The following RPL28 variants were observed in gnomAD, a reference collection of about 807,000 sequenced individuals.
RPL28 encodes the protein large ribosomal subunit protein eL28.
Under a neutral mutation model 12.5 loss-of-function variants are expected in RPL28, and 4 were observed. The ratio of observed to expected loss-of-function variants is 0.32; its 90% confidence interval spans 0.16 to 0.73. The LOEUF (loss-of-function observed/expected upper bound fraction) is 0.73. RPL28 is among the 30% of genes least tolerant of loss of function. RPL28 has a pLI of 0.66. For missense variants in RPL28, 214 were observed against 197.7 expected (o/e 1.08, Z -0.49); for synonymous variants, 91 against 72.5 (o/e 1.26, Z -1.30).
rs1009477317 is a variant in RPL28 at position 55,386,093 on chromosome 19, T to G, written c.-9+128T>G. ...CGGACCCCAACCCCTCCCCGTGAAG[T>G]CGTTGTGAATTTTCAAGTTATTTTC... On this transcript the variant is annotated intron_variant, in intron 1 of 4. Transcript: ENST00000344063. 8.5e-6 allele frequency: 4 copies of G among 471,674 alleles called. No individual in the cohort carries two copies. The East Asian group carries it at 1.5e-4, about 18-fold the overall frequency. The allele number at this position is 471,674 out of a possible 1,614,324, so 29.2% of individuals were successfully genotyped here.
chr19:55,386,848 G>A lies in RPL28; in HGVS notation c.205+155G>A, dbSNP rs1203657860. 7 of 1,562,034 alleles carry A rather than the reference G, an allele frequency of 4.5e-6. No individual in the cohort carries two copies. In the East Asian group the frequency reaches 1.4e-4, roughly 32 times the overall value. On this transcript the variant is annotated intron_variant, in intron 3 of 4. Coordinates refer to ENST00000344063, the MANE Select transcript of RPL28 (RefSeq NM_000991.5). ...CTGGGTACCGGCTTCCCTCTCGGCCGACTTGTCAGCTCTGTGAGCCGCGCG... is the reference window on the plus strand; with the variant it reads ...CTGGGTACCGGCTTCCCTCTCGGCCAACTTGTCAGCTCTGTGAGCCGCGCG...
At position 55,391,306 on chromosome 19, in the gene RPL28, G is replaced by A. The variant is rs984158585; in HGVS notation, c.*2974G>A. On this transcript the variant is annotated 3_prime_UTR_variant, in exon 5 of 5. Coordinates refer to ENST00000344063, the MANE Select transcript of RPL28 (RefSeq NM_000991.5). ...CCAGCTGTGGGGACTTGGGCAGCTC[G>A]TTTAGTAGCACCGTGCCTCAGTTTC... 1 of 682,704 alleles carries A rather than the reference G, an allele frequency of 1.5e-6. No homozygotes were observed. Among genetic ancestry groups the A allele is most frequent in the Non-Finnish European group, 2.0e-6 (1 of 498,370 alleles). The allele number at this position is 682,704 out of a possible 1,614,324, so 42.3% of individuals were successfully genotyped here.
Position 55,389,592 on chromosome 19 carries a change from C to G in RPL28, c.*1260C>G. On this transcript the variant is annotated 3_prime_UTR_variant, in exon 5 of 5. Transcript: ENST00000344063. ...CGACTTGCCATTGGTTGGGGTCGTA[C>G]GGGGCTGGGAGCCCTGCGTTTTGAG... 4.1e-6 allele frequency: 4 copies of G among 985,478 alleles called. No homozygotes were observed. The highest frequency in any genetic ancestry group is 1.7e-5 in the African/African-American group (1 of 57,354). The allele number at this position is 985,478 out of a possible 1,614,324, so 61.0% of individuals were successfully genotyped here.
At position 55,388,529 on chromosome 19, in the gene RPL28, T is replaced by C; in HGVS notation, c.*197T>C. On this transcript the variant is annotated 3_prime_UTR_variant, in exon 5 of 5. Coordinates refer to ENST00000344063, the MANE Select transcript of RPL28 (RefSeq NM_000991.5). ...ATGCAGGAGGGGTGGGGTAGCTGCC[T>C]TGTCCCTGGTGAGGGCAAGGGTCAC... 5 of 1,291,356 alleles carry C rather than the reference T, an allele frequency of 3.9e-6. No homozygotes were observed. The highest frequency in any genetic ancestry group is 4.9e-6 in the Non-Finnish European group (5 of 1,017,762). The allele number at this position is 1,291,356 out of a possible 1,614,324, so 80.0% of individuals were successfully genotyped here. A position where few individuals can be genotyped will look rare whatever the true frequency, so the allele number is the denominator to read the frequency against.
intron 4 of RPL28, among the ~76,000 whole-genome samples, chr19:55,402,017 G>C (rs779719929): frequency 3.3e-5 from 5 of 152,182 alleles, no homozygotes; most frequent in Non-Finnish European, 7.3e-5. Flanking sequence ...AATGTCCCTG[G>C]TCCTCCGTGG....
Position 55,386,346 on chromosome 19 carries a change from G to A in RPL28, c.-8-4G>A, listed in dbSNP as rs760588469. On this transcript the variant is annotated splice_polypyrimidine_tract_variant and splice_region_variant and intron_variant, in intron 1 of 4. Coordinates refer to ENST00000344063, the MANE Select transcript of RPL28 (RefSeq NM_000991.5). Reference sequence around the variant, plus strand: ...ACGCTTTCCCTGTGCCCGTTTCCCCGCAGCCGCCGCCATGTCTGCGCATCT... The same window carrying A: ...ACGCTTTCCCTGTGCCCGTTTCCCCACAGCCGCCGCCATGTCTGCGCATCT... 6.2e-7 allele frequency: 1 copy of A among 1,613,140 alleles called. No individual in the cohort carries two copies. Among genetic ancestry groups the A allele is most frequent in the Admixed American group, 1.7e-5 (1 of 59,950 alleles).
rs2089991333 is a variant in RPL28, at chr19:55,391,668, A to G, written c.*3336A>G. On this transcript the variant is annotated 3_prime_UTR_variant, in exon 5 of 5. Coordinates refer to ENST00000344063, the MANE Select transcript of RPL28 (RefSeq NM_000991.5). ...CCTCATCTGTAACATGCGTGTCGAT[A>G]GACCCTACTACTCAGGGTTGATGAG... 1 of 1,543,386 alleles carries G rather than the reference A, an allele frequency of 6.5e-7. No homozygotes were observed. The highest frequency in any genetic ancestry group is 1.4e-5 in the African/African-American group (1 of 72,922).
At chr19:55,387,873 G>A in intron 3 of RPL28, 57 bp from the exon 4 acceptor site, 1 of 1,512,300 alleles carries the variant, frequency 6.6e-7, no homozygotes, top group Non-Finnish European at 8.8e-7. Flanking sequence ...CCTGCGAGGT[G>A]TGCTAAAGGT....
At chr19:55,387,353 A>G (rs2089942166) in intron 3 of RPL28, 1 of 1,551,678 alleles carries the variant, frequency 6.4e-7, no homozygotes, top group South Asian at 1.2e-5. Flanking sequence ...CAGTGGCAGC[A>G]ACAAACGCAG....
intron 3 of RPL28, chr19:55,387,276 TC>T: frequency 6.4e-7 from 1 of 1,551,586 alleles, no homozygotes; most frequent in South Asian, 1.2e-5. Context: ...GGCTGTATTT[TC>T]TTTTTAGAGT....
At chr19:55,395,042 T>G (rs1158385802), downstream of RPL28, among the ~76,000 whole-genome samples, 1 of 152,254 alleles carries the variant, frequency 6.6e-6, no homozygotes, top group East Asian at 1.9e-4. Flanking sequence ...TGCCTCTGGA[T>G]AGTCACAATA....
chr19:55,397,343 A>G (rs973162387), intron 4 of RPL28, among the ~76,000 whole-genome samples: 13 of 152,238 alleles, frequency 8.5e-5, no homozygotes, highest in Non-Finnish European at 1.6e-4. Context: ...TTTCTTAAAT[A>G]TACAAGCATG....
rs912227284 is a variant in RPL28 at position 55,389,603 on chromosome 19, G to T, written c.*1271G>T. On this transcript the variant is annotated 3_prime_UTR_variant, in exon 5 of 5. Coordinates refer to ENST00000344063, the MANE Select transcript of RPL28 (RefSeq NM_000991.5). ...TGGTTGGGGTCGTACGGGGCTGGGA[G>T]CCCTGCGTTTTGAGGCAGACCACTG... The T allele has an allele frequency of 3.0e-5, 30 of 985,414 alleles. No individual in the cohort carries two copies. The African/African-American group carries it at 4.9e-4, about 16-fold the overall frequency. 61.0% of individuals were successfully genotyped at this position (985,414 alleles called of 1,614,324 possible).
At chr19:55,400,175 A>T (rs753767993) in intron 4 of RPL28, 2 of 152,180 alleles carry the variant, frequency 1.3e-5, no homozygotes, top group Non-Finnish European at 2.9e-5. Flanking sequence ...CAGAACTTGT[A>T]GATTTTTATT....
chr19:55,388,267 A>G lies in RPL28; in HGVS notation c.349A>G (p.Ile117Val), dbSNP rs1277685660. ...RMAAIRRASA[I>V]LRSQKPVMVK... The stretch of plus-strand genomic sequence containing the variant: ...GGCAGCCATCCGCAGGGCCAGCGCC[A>G]TCCTGCGCAGCCAGAAGCCTGTGAT... Residue 117 changes from isoleucine to valine, a missense_variant, in exon 5 of 5, where the codon ATC (isoleucine) becomes GTC (valine). Transcript: ENST00000344063. The G allele has an allele frequency of 1.9e-6, 3 of 1,578,098 alleles. No homozygotes were observed. Among genetic ancestry groups the G allele is most frequent in the Middle Eastern group, 2.1e-4 (1 of 4,868 alleles).
At chr19:55,387,620 TG>T in intron 3 of RPL28, 1 of 1,395,558 alleles carries the variant, frequency 7.2e-7, no homozygotes, top group Non-Finnish European at 9.3e-7. Context: ...GCCAGGAGCG[TG>T]GGCTCTGGCT....
At chr19:55,397,453 C>T (rs961772765) in intron 4 of RPL28, among the ~76,000 whole-genome samples, 21 of 152,280 alleles carry the variant, frequency 1.4e-4, no homozygotes, top group African/African-American at 4.3e-4. Flanking sequence ...GATCTCGGCT[C>T]ACTGCAAGCT....
Position 55,391,359 on chromosome 19 carries a change from C to T in RPL28, c.*3027C>T. ...ATATGTAAAAGGCCATTTTGAGTGCCTTTCACAGCCCTGCATAAGGCAGGT... is the reference window on the plus strand; with the variant it reads ...ATATGTAAAAGGCCATTTTGAGTGCTTTTCACAGCCCTGCATAAGGCAGGT... On this transcript the variant is annotated 3_prime_UTR_variant, in exon 5 of 5. Coordinates refer to ENST00000344063, the MANE Select transcript of RPL28 (RefSeq NM_000991.5). 3 of 1,192,720 alleles carry T rather than the reference C, an allele frequency of 2.5e-6. No homozygotes were observed. Among genetic ancestry groups the T allele is most frequent in the South Asian group, 3.9e-5 (1 of 25,346 alleles). The allele number at this position is 1,192,720 out of a possible 1,614,324, so 73.9% of individuals were successfully genotyped here. A position where few individuals can be genotyped will look rare whatever the true frequency, so the allele number is the denominator to read the frequency against.
Position 55,391,610 on chromosome 19 carries a change from G to T in RPL28, c.*3278G>T. The T allele has an allele frequency of 6.5e-7, 1 of 1,548,650 alleles. No individual in the cohort carries two copies. On this transcript the variant is annotated 3_prime_UTR_variant, in exon 5 of 5. Transcript: ENST00000344063. ...GCTGCTCGGTGGCTGTGCAACCTTGGGCAAGTTCCTCAACCTCTCTGTGTC... is the reference window on the plus strand; with the variant it reads ...GCTGCTCGGTGGCTGTGCAACCTTGTGCAAGTTCCTCAACCTCTCTGTGTC...
Sources: allele counts gnomAD v4.1 joint callset (sites outside exome capture counted in the v4.1 genomes callset), GRCh38; gene constraint gnomAD v4.1.1; transcripts MANE v1.5; gene names NCBI Gene and HGNC (gene_info 2026-07-23, HGNC 2026-07-21).